Variants in NAV1 observed in about 807,000 individuals in gnomAD.
The protein encoded by NAV1 is neuron navigator 1, also known as pore membrane and/or filament interacting like protein 3.
Under a neutral mutation model 175.2 loss-of-function variants are expected in NAV1, and 18 were observed. The observed-to-expected ratio is 0.10, with a 90% CI of 0.07 to 0.15. NAV1 has a LOEUF of 0.15. Among genes scored for constraint, NAV1 ranks in the 10% least tolerant of loss-of-function variants. NAV1 has a pLI of 1.00. For missense variants in NAV1, 1,731 were observed against 2,436.6 expected, an observed-to-expected ratio of 0.71 and a Z score of 6.10; for synonymous variants, 897 against 978.7, an observed-to-expected ratio of 0.92 and a Z score of 1.56.
In NAV1 at chr1:201,808,379, T is replaced by G; in HGVS notation, c.3846-39T>G. 1 of 1,578,426 alleles carries G rather than the reference T, an allele frequency of 6.3e-7. No homozygotes were observed. The highest frequency in any genetic ancestry group is 8.6e-7 in the Non-Finnish European group (1 of 1,162,678). The stretch of plus-strand genomic sequence containing the variant: ...CAATATTCTCTAGTAACTCTAGTGC[T>G]TCTTCATGTAGCCTGGCTTGACTCT... On this transcript the variant is annotated intron_variant, in intron 18 of 29. Transcript: ENST00000367296. This position sits in a 1 kb window ranked among gnomAD's most constrained non-coding sequence, Gnocchi z 5.5.
chr1:201,712,908 G>C, exon 2 of NAV1: 1 of 1,613,448 alleles, frequency 6.2e-7, no homozygotes, highest in Non-Finnish European at 8.5e-7. Context: ...GAGGGTCCCA[G>C]GTGACTCACA....
chr1:201,676,597 G>A (rs921176389), intron 1 of NAV1, among the ~76,000 whole-genome samples: 2 of 152,090 alleles, frequency 1.3e-5, no homozygotes, highest in African/African-American at 4.8e-5. Flanking sequence ...TCCAGGCTGG[G>A]GTTCCCGGTA....
intron 3 of NAV1, among the ~76,000 whole-genome samples, chr1:201,756,809 C>CTTCTTTCTTTCTTTCT (rs534285799): frequency 6.7e-4 from 18 of 27,000 alleles, no homozygotes; most frequent in South Asian, 2.4e-3. Context: ...TCTTTCTTTC[C>CTTCTTTCTTTCTTTCT]TTCTTTCTTT....
chr1:201,649,507 C>T (rs966026135), intron 1 of NAV1, 82 bp downstream of exon 5: 5 of 1,436,754 alleles, frequency 3.5e-6, no homozygotes, highest in South Asian at 3.0e-5. Context: ...AAGCGAAGCC[C>T]CCTCCCCTTG....
chr1:201,574,582 G>A (rs577443978), intron 1 of NAV1, among the ~76,000 whole-genome samples: 1 of 152,170 alleles, frequency 6.6e-6, no homozygotes, highest in Admixed American at 6.5e-5. Context: ...TATCCCAGTA[G>A]CTTACTGAGC....
At chr1:201,734,782 C>T (rs1190847397) in intron 3 of NAV1, among the ~76,000 whole-genome samples, 2 of 152,074 alleles carry the variant, frequency 1.3e-5, no homozygotes, top group Non-Finnish European at 2.9e-5. Context: ...ACTGGAGAGA[C>T]AGCCCCTCTC....
exon 1 of NAV1, chr1:201,649,250 C>T (rs760570545): frequency 6.2e-7 from 1 of 1,613,154 alleles, no homozygotes; most frequent in Non-Finnish European, 8.5e-7. Context: ...CGGCCGTGAG[C>T]GAAGATGGCA....
chr1:201,700,556 A>G (rs1361903124), intron 1 of NAV1, among the ~76,000 whole-genome samples: 1 of 152,212 alleles, frequency 6.6e-6, no homozygotes, highest in Non-Finnish European at 1.5e-5. Context: ...AACGAGAAAT[A>G]CCATTTGACC....
Position 201,729,835 on chromosome 1 carries a change from G to C in NAV1, c.1226+11080G>C, listed in dbSNP as rs1420777491. Among the ~76,000 whole-genome samples the C allele has an allele frequency of 3.9e-5, 6 of 152,322 alleles. No individual in the cohort carries two copies. The East Asian group carries it at 1.2e-3, about 29-fold the overall frequency. Reference sequence around the variant, plus strand: ...GCAGGAGAATGGCGTGAACCCGGGAGGTGGAGCTTGCAGTGAGCCAAGATC... The same window carrying C: ...GCAGGAGAATGGCGTGAACCCGGGACGTGGAGCTTGCAGTGAGCCAAGATC... On this transcript the variant is annotated intron_variant, in intron 3 of 29. Transcript: ENST00000367296.
At chr1:201,619,764 G>A (rs1466764795), upstream of NAV1, among the ~76,000 whole-genome samples, 2 of 152,218 alleles carry the variant, frequency 1.3e-5, no homozygotes, top group African/African-American at 2.4e-5. Context: ...GCTAGATGAG[G>A]AAGAGGCAGG....
chr1:201,799,641 C>T (rs2102774688), intron 15 of NAV1, among the ~76,000 whole-genome samples: 1 of 152,282 alleles, frequency 6.6e-6, no homozygotes, highest in Non-Finnish European at 1.5e-5. Context: ...GGGTGAATCA[C>T]CTGAGGTCAG....
intron 1 of NAV1, among the ~76,000 whole-genome samples, chr1:201,573,039 T>C (rs185257405): frequency 1.1e-4 from 17 of 152,340 alleles, no homozygotes; most frequent in African/African-American, 4.1e-4. Context: ...CTGGAAAGGT[T>C]GCATGGAAGA....
At chr1:201,659,171 CA>C (rs1481412541) in intron 1 of NAV1, among the ~76,000 whole-genome samples, 1 of 152,226 alleles carries the variant, frequency 6.6e-6, no homozygotes, top group Non-Finnish European at 1.5e-5. Flanking sequence ...TGGGACTAGA[CA>C]GGGGAGCTTT....
At chr1:201,747,228 T>C (rs10733066) in intron 3 of NAV1, among the ~76,000 whole-genome samples, 86,024 of 151,952 alleles carry the variant, frequency 0.57, 24,634 homozygotes, top group Admixed American at 0.67. Context: ...GCAGTTGCCC[T>C]AGTGCATGCA....
intron 1 of NAV1, among the ~76,000 whole-genome samples, chr1:201,582,845 C>G (rs1666905767): frequency 6.6e-6 from 1 of 152,222 alleles, no homozygotes; most frequent in Non-Finnish European, 1.5e-5. Flanking sequence ...AAGCTGCTGG[C>G]TAGGAGCCAG....
intron 1 of NAV1, 30 bp downstream of exon 5, chr1:201,649,455 C>T (rs1222217384): frequency 6.8e-7 from 1 of 1,475,628 alleles, no homozygotes; most frequent in Non-Finnish European, 9.0e-7. Flanking sequence ...CCCGCCCCGC[C>T]CCTGGCTTTC....
chr1:201,697,528 T>G (rs1382212814), intron 1 of NAV1, among the ~76,000 whole-genome samples: 1 of 152,202 alleles, frequency 6.6e-6, no homozygotes, highest in African/African-American at 2.4e-5. Flanking sequence ...AGCCTGGCTC[T>G]GAGATCAGCA....
chr1:201,672,136 T>G (rs767272965), intron 1 of NAV1, among the ~76,000 whole-genome samples: 1 of 146,234 alleles, frequency 6.8e-6, no homozygotes, highest in African/African-American at 2.7e-5. Flanking sequence ...GCACTGTATT[T>G]GAAACGTTTT....
chr1:201,814,045 G>A (rs956045038), intron 28 of NAV1, among the ~76,000 whole-genome samples: 6 of 151,956 alleles, frequency 3.9e-5, no homozygotes, highest in Non-Finnish European at 7.4e-5. Flanking sequence ...GCAACAGAGC[G>A]AGACTCTGTC....
Sources: allele counts gnomAD v4.1 joint callset (sites outside exome capture counted in the v4.1 genomes callset), GRCh38; gene constraint gnomAD v4.1.1; non-coding constraint Gnocchi (gnomAD v3.1); transcripts MANE v1.5; gene names NCBI Gene and HGNC (gene_info 2026-07-23, HGNC 2026-07-21).